The following FAM107B variants were observed in gnomAD, a reference collection of about 807,000 sequenced individuals.
FAM107B encodes the protein family with sequence similarity 107 member B, also known as protein FAM107B.
A neutral mutation model predicts 31.5 loss-of-function variants in FAM107B; 21 were observed. The ratio of observed to expected loss-of-function variants is 0.67; its 90% CI spans 0.47 to 0.96. FAM107B has a LOEUF of 0.96. Ranked by LOEUF, FAM107B falls within the 40% of genes least tolerant of loss-of-function variation. The probability of loss-of-function intolerance (pLI) is 0.00; values close to 1 mark genes in which losing one functional copy is unlikely to be tolerated. For synonymous variants in FAM107B, 157 were observed against 141.5 expected (o/e 1.11, Z -0.78); for missense variants, 452 against 377.1 (o/e 1.20, Z -1.64).
chr10:14,607,916 C>T (rs1319968095), intron 2 of FAM107B, among the ~76,000 whole-genome samples: 1 of 152,214 alleles, frequency 6.6e-6, no homozygotes, highest in Non-Finnish European at 1.5e-5. Context: ...CAGCAACCTA[C>T]AGGGTCACCC....
intron 2 of FAM107B, among the ~76,000 whole-genome samples, chr10:14,632,752 G>A (rs1450658110): frequency 1.3e-5 from 2 of 152,130 alleles, no homozygotes; most frequent in Non-Finnish European, 2.9e-5. Context: ...AGTAGGGAAA[G>A]GAAGGGAGAG....
intron 1 of FAM107B, among the ~76,000 whole-genome samples, chr10:14,698,503 C>A (rs1855319772): frequency 6.6e-6 from 1 of 152,218 alleles, no homozygotes; most frequent in African/African-American, 2.4e-5. Flanking sequence ...ATGTGCATTG[C>A]ACATCATCAT....
At chr10:14,618,021 T>C (rs1479007177) in intron 2 of FAM107B, among the ~76,000 whole-genome samples, 1 of 152,146 alleles carries the variant, frequency 6.6e-6, no homozygotes, top group Non-Finnish European at 1.5e-5. Context: ...ACCTCCACAA[T>C]TATCATAGGG....
intron 2 of FAM107B, among the ~76,000 whole-genome samples, chr10:14,603,851 CGGGGCGAGGGGCGCCGA>C (rs1317114967): frequency 1.3e-5 from 2 of 151,632 alleles, no homozygotes; most frequent in African/African-American, 4.8e-5. Context: ...CCGGGCGCCG[CGGGGCGAGGGGCGCCGA>C]GGGCGGGCAT....
intron 2 of FAM107B, among the ~76,000 whole-genome samples, chr10:14,629,279 A>G (rs1022692767): frequency 1.1e-4 from 14 of 124,534 alleles, no homozygotes; most frequent in Non-Finnish European, 2.2e-4. Flanking sequence ...ATTTATATAT[A>G]TTATAAATAT....
At chr10:14,724,277 G>A (rs1855979199) in intron 1 of FAM107B, among the ~76,000 whole-genome samples, 1 of 152,124 alleles carries the variant, frequency 6.6e-6, no homozygotes, top group African/African-American at 2.4e-5. Flanking sequence ...GGTAATTTTT[G>A]TATATAATGT....
chr10:14,522,216 G>A (rs774044966), intron 3 of FAM107B, 197 bp from the exon 4 acceptor site: 1 of 671,590 alleles, frequency 1.5e-6, no homozygotes, highest in Non-Finnish European at 2.4e-6. Flanking sequence ...GATCTCCAAA[G>A]AGTACATAAA....
intron 3 of FAM107B, among the ~76,000 whole-genome samples, chr10:14,523,078 CGA>C (rs113542845): frequency 0.011 from 1,608 of 152,298 alleles, 20 homozygotes; most frequent in African/African-American, 0.037. Flanking sequence ...CTGAAATATT[CGA>C]GAGAAGTCAA....
chr10:14,748,018 C>T (rs1199880826), intron 1 of FAM107B, among the ~76,000 whole-genome samples: 2 of 152,194 alleles, frequency 1.3e-5, no homozygotes, highest in African/African-American at 4.8e-5. Flanking sequence ...CTCCTTTGCC[C>T]TGGCAATTCC....
chr10:14,698,190 C>T (rs1212367787), intron 1 of FAM107B, among the ~76,000 whole-genome samples: 1 of 151,888 alleles, frequency 6.6e-6, no homozygotes, highest in Non-Finnish European at 1.5e-5. Context: ...GTAATTTTTA[C>T]ATGCATGAAA....
intron 2 of FAM107B, among the ~76,000 whole-genome samples, chr10:14,621,038 T>C (rs560189316): frequency 1.3e-5 from 2 of 152,392 alleles, no homozygotes; most frequent in Non-Finnish European, 2.9e-5. Flanking sequence ...ATTGACCTTG[T>C]ATCTTATGAA....
At chr10:14,730,569 G>C (rs1381159794) in intron 1 of FAM107B, among the ~76,000 whole-genome samples, 2 of 152,228 alleles carry the variant, frequency 1.3e-5, no homozygotes, top group Non-Finnish European at 2.9e-5. Context: ...AAGCCTGATC[G>C]ACCAGGTGGT....
chr10:14,721,308 G>C lies in FAM107B; in HGVS notation c.411+52945C>G, dbSNP rs182011954. 3.4e-4 allele frequency among the ~76,000 whole-genome samples: 52 copies of C among 152,188 alleles called. No individual in the cohort carries two copies. The East Asian group carries it at 7.3e-3, about 21-fold the overall frequency. The stretch of plus-strand genomic sequence containing the variant: ...GTGAATAGTGCCGCTATAAACATAC[G>C]TTTGCATGTGTCTTTATAGCAGCAT... On this transcript the variant is annotated intron_variant, in intron 1 of 4. Coordinates refer to ENST00000181796, the MANE Select transcript of FAM107B (RefSeq NM_031453.4).
intron 2 of FAM107B, among the ~76,000 whole-genome samples, chr10:14,651,123 G>C (rs935564221): frequency 2.6e-5 from 4 of 152,162 alleles, no homozygotes; most frequent in African/African-American, 7.2e-5. Context: ...ACTTCTGGGG[G>C]AACCAAATTA....
In FAM107B at chr10:14,774,360, C is replaced by A; in HGVS notation, c.304G>T (p.Ala102Ser). The A allele has an allele frequency of 1.9e-6, 3 of 1,614,214 alleles. No homozygotes were observed. Among genetic ancestry groups the A allele is most frequent in the Non-Finnish European group, 2.5e-6 (3 of 1,180,044 alleles). The stretch of plus-strand genomic sequence containing the variant: ...CCGGGCACATCTTCAGGCGTCTCCG[C>A]GGGCTGGGCCGCAGTGCGGTGACTT... Reference protein sequence around the residue: ...NSSHRTAAQPAETPEDVPGSL... With the variant: ...NSSHRTAAQPSETPEDVPGSL... The change falls in exon 1 of 5, where the codon GCG (alanine) becomes TCG (serine). Residue 102 changes from alanine (A) to serine (S), a missense_variant. Transcript: ENST00000181796.
rs75083175 is a variant in FAM107B, at chr10:14,602,263, G to A, written c.469+65371C>T. On this transcript the variant is annotated intron_variant, in intron 2 of 4. Coordinates refer to ENST00000181796, the MANE Select transcript of FAM107B (RefSeq NM_031453.4). ...GGAACTGCAACAAAAATGCACCTGAGTGGACACAGCCACAACTTCCTTCTT... is the reference window on the plus strand; with the variant it reads ...GGAACTGCAACAAAAATGCACCTGAATGGACACAGCCACAACTTCCTTCTT... Among the ~76,000 whole-genome samples, 717 of 152,322 alleles carry A rather than the reference G, an allele frequency of 4.7e-3. 5 individuals carry two copies. The highest frequency in any genetic ancestry group is 0.016 in the African/African-American group (670 of 41,570).
At chr10:14,580,057 T>C (rs1588629557) in intron 2 of FAM107B, among the ~76,000 whole-genome samples, 1 of 146,810 alleles carries the variant, frequency 6.8e-6, no homozygotes, top group African/African-American at 2.5e-5. Context: ...ACTAGGTAAA[T>C]AAAATAACAT....
At chr10:14,773,877 T>C (rs1435715884) in intron 1 of FAM107B, among the ~76,000 whole-genome samples, 1 of 152,110 alleles carries the variant, frequency 6.6e-6, no homozygotes, top group Non-Finnish European at 1.5e-5. Context: ...TGGATTTTCA[T>C]ATAAATAAAT....
At chr10:14,699,409 C>T (rs966494423) in intron 1 of FAM107B, among the ~76,000 whole-genome samples, 2 of 152,112 alleles carry the variant, frequency 1.3e-5, no homozygotes, top group Non-Finnish European at 2.9e-5. Flanking sequence ...TCCCAGGGAA[C>T]GAGAACCAGG....
Sources: allele counts gnomAD v4.1 joint callset (sites outside exome capture counted in the v4.1 genomes callset), GRCh38; gene constraint gnomAD v4.1.1; transcripts MANE v1.5; gene names NCBI Gene and HGNC (gene_info 2026-07-23, HGNC 2026-07-21).